DOCK1: variants seen among roughly 807,000 people sequenced by gnomAD.
The protein encoded by DOCK1 is dedicator of cytokinesis protein 1.
Under a neutral mutation model 262.7 loss-of-function variants are expected in DOCK1, and 138 were observed. The ratio of observed to expected loss-of-function variants is 0.53; its 90% CI spans 0.46 to 0.61. The LOEUF is 0.61. Among genes scored for constraint, DOCK1 ranks in the 20% least tolerant of loss-of-function variants. The probability of loss-of-function intolerance (pLI) is 0.00; values close to 1 mark genes in which losing one functional copy is unlikely to be tolerated. For missense variants in DOCK1, 1,908 were observed against 2,370.7 expected (o/e 0.80, Z 4.05); for synonymous variants, 866 against 867.4 (o/e 1.00, Z 0.03).
At chr10:127,181,599 C>G (rs538421172) in intron 27 of DOCK1, among the ~76,000 whole-genome samples, 13 of 152,314 alleles carry the variant, frequency 8.5e-5, no homozygotes, top group African/African-American at 3.1e-4. Flanking sequence ...TCTCACTGTT[C>G]AGACACCTTG....
At chr10:127,037,848 CTTTTTTTTTT>C in intron 19 of DOCK1, 32 bp downstream of exon 19, 1 of 1,047,186 alleles carries the variant, frequency 9.5e-7, no homozygotes, top group Non-Finnish European at 1.3e-6. Context: ...CTTTTTGGGT[CTTTTTTTTTT>C]TTTTTTTTTA....
At chr10:127,366,894 G>A (rs950267875) in intron 33 of DOCK1, among the ~76,000 whole-genome samples, 7 of 152,230 alleles carry the variant, frequency 4.6e-5, no homozygotes, top group African/African-American at 1.7e-4. Flanking sequence ...TGGAGTAGGG[G>A]GAAGATATTA....
chr10:127,138,496 T>A (rs1418076858), intron 27 of DOCK1, among the ~76,000 whole-genome samples: 2 of 152,086 alleles, frequency 1.3e-5, no homozygotes, highest in Non-Finnish European at 2.9e-5. Context: ...CTAAAACAAT[T>A]CTGGAAGGAA....
intron 1 of DOCK1, among the ~76,000 whole-genome samples, chr10:126,921,084 C>T (rs1432644321): frequency 6.6e-6 from 1 of 151,710 alleles, no homozygotes; most frequent in African/African-American, 2.4e-5. Context: ...CCTGTAATAC[C>T]AGCTACTGGG....
At chr10:127,235,702 G>A (rs1214293120) in intron 27 of DOCK1, among the ~76,000 whole-genome samples, 1 of 152,066 alleles carries the variant, frequency 6.6e-6, no homozygotes, top group Non-Finnish European at 1.5e-5. Context: ...ATATGAAGCT[G>A]CCAAACTATT....
At chr10:127,112,501 T>A (rs1315544114) in intron 25 of DOCK1, among the ~76,000 whole-genome samples, 1 of 152,212 alleles carries the variant, frequency 6.6e-6, no homozygotes, top group Non-Finnish European at 1.5e-5. Flanking sequence ...CAGCCTGAAG[T>A]CCTGTTTTGG....
chr10:127,049,031 A>G (rs947577828), intron 21 of DOCK1, among the ~76,000 whole-genome samples: 1 of 150,818 alleles, frequency 6.6e-6, no homozygotes, highest in African/African-American at 2.4e-5. Flanking sequence ...ATGCGGGTAT[A>G]ACAATTGGAA....
chr10:127,069,900 G>A (rs772416121), intron 23 of DOCK1, among the ~76,000 whole-genome samples: 3 of 152,106 alleles, frequency 2.0e-5, no homozygotes, highest in Non-Finnish European at 4.4e-5. Flanking sequence ...TTAAAACAGT[G>A]GTTTTTTTCT....
intron 27 of DOCK1, among the ~76,000 whole-genome samples, chr10:127,214,884 A>T (rs1246177179): frequency 1.3e-5 from 2 of 152,162 alleles, no homozygotes; most frequent in Non-Finnish European, 2.9e-5. Flanking sequence ...CATATTTATG[A>T]TATTGTCATT....
chr10:127,037,859 T>G, intron 19 of DOCK1, 43 bp downstream of exon 19: 1 of 1,449,226 alleles, frequency 6.9e-7, no homozygotes, highest in Non-Finnish European at 9.2e-7. Context: ...TTTTTTTTTT[T>G]TTTTTTTTAA....
chr10:127,196,276 C>T (rs1444191542), intron 27 of DOCK1: 2 of 148,936 alleles, frequency 1.3e-5, no homozygotes, highest in South Asian at 2.1e-4. Context: ...CGCTTAGCGA[C>T]GCGCGCGGGG....
intron 2 of DOCK1, among the ~76,000 whole-genome samples, chr10:126,975,948 T>C (rs2038506656): frequency 6.6e-6 from 1 of 152,170 alleles, no homozygotes; most frequent in Non-Finnish European, 1.5e-5. Context: ...AGTTGCTGTC[T>C]TTTTGTGTCT....
chr10:127,217,423 G>T (rs149100096), intron 27 of DOCK1, among the ~76,000 whole-genome samples: 1 of 152,212 alleles, frequency 6.6e-6, no homozygotes, highest in Non-Finnish European at 1.5e-5. Flanking sequence ...CCTATCATGT[G>T]TATTGGCAGT....
At chr10:127,357,493 A>G (rs2064203470) in intron 32 of DOCK1, among the ~76,000 whole-genome samples, 1 of 152,152 alleles carries the variant, frequency 6.6e-6, no homozygotes, top group Non-Finnish European at 1.5e-5. Context: ...GTTATCTGTC[A>G]TGCTCCAGAT....
chr10:127,030,011 G>A (rs1453913410), intron 16 of DOCK1, among the ~76,000 whole-genome samples: 1 of 152,050 alleles, frequency 6.6e-6, no homozygotes, highest in Admixed American at 6.5e-5. Flanking sequence ...TTTTACTTCT[G>A]TTTCTTCCTG....
chr10:127,038,682 T>C (rs2043820265), intron 19 of DOCK1, among the ~76,000 whole-genome samples: 1 of 152,184 alleles, frequency 6.6e-6, no homozygotes, highest in African/African-American at 2.4e-5. Flanking sequence ...AATTATTCAT[T>C]CAGACCCTTG....
intron 29 of DOCK1, among the ~76,000 whole-genome samples, chr10:127,290,495 G>T (rs989580990): frequency 3.9e-5 from 6 of 152,172 alleles, no homozygotes; most frequent in African/African-American, 1.4e-4. Flanking sequence ...CCTTCTCTCA[G>T]TTTCCTCTAG....
At chr10:127,445,701 C>T (rs1045505131) in intron 50 of DOCK1, among the ~76,000 whole-genome samples, 1 of 152,198 alleles carries the variant, frequency 6.6e-6, no homozygotes, top group African/African-American at 2.4e-5. Context: ...CAAACAGATA[C>T]TTAATATTCA....
At chr10:126,915,574 G>A (rs558581537) in intron 1 of DOCK1, among the ~76,000 whole-genome samples, 20 of 152,124 alleles carry the variant, frequency 1.3e-4, no homozygotes, top group Middle Eastern at 3.4e-3. Context: ...GTGCACCACC[G>A]CATCTGGTAA....
Sources: allele counts gnomAD v4.1 joint callset (sites outside exome capture counted in the v4.1 genomes callset), GRCh38; gene constraint gnomAD v4.1.1; transcripts MANE v1.5; gene names NCBI Gene and HGNC (gene_info 2026-07-23, HGNC 2026-07-21).